EAPP: variants seen among roughly 807,000 people sequenced by gnomAD.
EAPP encodes E2F-associated phosphoprotein.
Under a neutral mutation model 34.3 loss-of-function variants are expected in EAPP, and 38 were observed. That is an observed-to-expected ratio of 1.11 (90% CI 0.85 to 1.45). The LOEUF is 1.45. Ranked by LOEUF, EAPP falls within the 40% of genes most tolerant of loss-of-function variation. The probability of loss-of-function intolerance (pLI) is 0.00; values close to 1 mark genes in which losing one functional copy is unlikely to be tolerated. For missense variants in EAPP, 338 were observed against 343.7 expected (o/e 0.98, Z 0.13); for synonymous variants, 113 against 117.6 (o/e 0.96, Z 0.25).
At chr14:34,536,379 T>C (rs1236915636) in intron 1 of EAPP, 104 bp from the exon 2 acceptor site, 2 of 822,220 alleles carry the variant, frequency 2.4e-6, no homozygotes, top group East Asian at 5.6e-5. Context: ...TATTACATGG[T>C]TACATTTGAT....
At position 34,539,574 on chromosome 14, in the gene EAPP, C is replaced by A. The variant is rs370344686; in HGVS notation, c.55G>T (p.Glu19Ter). 2.1e-5 allele frequency: 34 copies of A among 1,602,028 alleles called. No homozygotes were observed. Among genetic ancestry groups the A allele is most frequent in the Admixed American group, 5.1e-5 (3 of 59,176 alleles). The change falls in exon 1 of 6, where the codon GAG becomes TAG. Residue 19 changes from glutamate to a stop codon, truncating the protein, a stop_gained. Transcript: ENST00000250454. LOFTEE classifies it high-confidence loss of function. ...DPYAVEEPSD[E>*]EPALSSSEDE... is the part of the protein sequence containing the mutation. ...GCCCACCTGCTCAAAGCCGGCTCCT[C>A]GTCGCTAGGCTCTTCAACCGCGTAG...
intron 1 of EAPP, among the ~76,000 whole-genome samples, chr14:34,538,621 T>C (rs1880554838): frequency 6.6e-6 from 1 of 152,092 alleles, no homozygotes; most frequent in South Asian, 2.1e-4. Context: ...CTCACTATGT[T>C]GCCCAGGCTG....
At chr14:34,517,342 G>A (rs1001480419) in intron 5 of EAPP, among the ~76,000 whole-genome samples, 3 of 147,676 alleles carry the variant, frequency 2.0e-5, no homozygotes, top group Non-Finnish European at 4.5e-5. Context: ...TCTGCCCCCC[G>A]GGTTCAAGTG....
At chr14:34,523,823 G>A (rs1029127995) in intron 5 of EAPP, among the ~76,000 whole-genome samples, 2 of 152,102 alleles carry the variant, frequency 1.3e-5, no homozygotes, top group Non-Finnish European at 2.9e-5. Flanking sequence ...ACAGGCATGA[G>A]TCACTGTGCC....
chr14:34,517,626 T>C lies in EAPP; in HGVS notation c.582-1040A>G, dbSNP rs1274528277. 6.6e-5 allele frequency among the ~76,000 whole-genome samples: 10 copies of C among 152,100 alleles called. 1 individual carries two copies. Among genetic ancestry groups the C allele is most frequent in the Admixed American group, 5.9e-4 (9 of 15,238 alleles). On this transcript the variant is annotated intron_variant, in intron 5 of 5. Coordinates refer to ENST00000250454, the MANE Select transcript of EAPP (RefSeq NM_018453.4). ...AATTTATTTGGGCCTTCTCTCTTTT[T>C]TTCTAAGAGGTTTGTCAATTGTATC...
intron 1 of EAPP, among the ~76,000 whole-genome samples, chr14:34,537,574 G>A (rs958344667): frequency 6.6e-6 from 1 of 152,184 alleles, no homozygotes; most frequent in Admixed American, 6.5e-5. Flanking sequence ...GATTGTGTTT[G>A]CAGCGAACAA....
intron 2 of EAPP, among the ~76,000 whole-genome samples, chr14:34,534,270 T>C (rs1273938703): frequency 1.3e-5 from 2 of 151,984 alleles, no homozygotes; most frequent in East Asian, 3.9e-4. Context: ...GTAGCTGGAA[T>C]TATAGGCAAC....
chr14:34,534,840 ATT>A (rs373663033), intron 2 of EAPP, among the ~76,000 whole-genome samples: 6,695 of 140,940 alleles, frequency 0.048, 214 homozygotes, highest in African/African-American at 0.093. Flanking sequence ...GTCTCCACAA[ATT>A]TTTTTTTTTT....
intron 4 of EAPP, among the ~76,000 whole-genome samples, chr14:34,525,154 T>C (rs770712212): frequency 4.6e-5 from 7 of 151,970 alleles, no homozygotes; most frequent in Non-Finnish European, 1.0e-4. Context: ...ACTGAATAAA[T>C]AAATAAATGG....
chr14:34,537,983 G>T (rs1487800020), intron 1 of EAPP, among the ~76,000 whole-genome samples: 1 of 152,150 alleles, frequency 6.6e-6, no homozygotes, highest in African/African-American at 2.4e-5. Flanking sequence ...GCCTACAACA[G>T]GCAATACTGT....
At chr14:34,525,496 A>G (rs1880064961) in intron 4 of EAPP, among the ~76,000 whole-genome samples, 1 of 152,178 alleles carries the variant, frequency 6.6e-6, no homozygotes, top group Non-Finnish European at 1.5e-5. Flanking sequence ...AGAAAAAACA[A>G]CAGACAAATT....
intron 4 of EAPP, among the ~76,000 whole-genome samples, chr14:34,528,027 T>C (rs897560087): frequency 6.7e-6 from 1 of 149,222 alleles, no homozygotes; most frequent in Admixed American, 6.9e-5. Flanking sequence ...GCAGTGTACC[T>C]AGAGTAGCCT....
Position 34,536,074 on chromosome 14 carries a change from A to T in EAPP, c.256+20T>A, listed in dbSNP as rs202103758. 1.3e-3 allele frequency: 2,006 copies of T among 1,593,714 alleles called. 5 individuals are homozygous for T. Among genetic ancestry groups the T allele is most frequent in the Non-Finnish European group, 1.6e-3 (1,838 of 1,170,986 alleles). On this transcript the variant is annotated intron_variant, in intron 2 of 5. Transcript: ENST00000250454. ...TACAGAGCTTACAAAAATATATATA[A>T]AATTGAACCAAAAGTTTACCAGTTC... is the stretch of plus-strand genomic sequence containing the variant.
At chr14:34,521,775 T>G (rs543971706) in intron 5 of EAPP, among the ~76,000 whole-genome samples, 1 of 151,512 alleles carries the variant, frequency 6.6e-6, no homozygotes, top group Non-Finnish European at 1.5e-5. Flanking sequence ...GCTGGGACTA[T>G]AGGCACATGC....
chr14:34,529,170 A>G (rs1880195510), intron 4 of EAPP, among the ~76,000 whole-genome samples, 188 bp downstream of exon 4: 1 of 152,162 alleles, frequency 6.6e-6, no homozygotes, highest in Non-Finnish European at 1.5e-5. Context: ...AATTTTAAAA[A>G]AAAGTCTCAC....
At chr14:34,529,167 A>T (rs28451576) in intron 4 of EAPP, among the ~76,000 whole-genome samples, 191 bp downstream of exon 4, 51,731 of 151,662 alleles carry the variant, frequency 0.34, 9,084 homozygotes, top group Non-Finnish European at 0.39. Context: ...AAAAATTTTA[A>T]AAAAAAGTCT....
chr14:34,519,089 T>G (rs1313161991), intron 5 of EAPP, among the ~76,000 whole-genome samples: 1 of 152,156 alleles, frequency 6.6e-6, no homozygotes, highest in African/African-American at 2.4e-5. Context: ...TGACTAGATC[T>G]TGGGGGCAGA....
intron 3 of EAPP, among the ~76,000 whole-genome samples, 171 bp downstream of exon 3, chr14:34,533,273 G>A (rs1880355150): frequency 6.6e-6 from 1 of 151,484 alleles, no homozygotes; most frequent in Non-Finnish European, 1.5e-5. Context: ...AACCTCAGGT[G>A]ATCTGCCTGC....
Position 34,536,258 on chromosome 14 carries a change from T to C in EAPP, c.92A>G (p.Asp31Gly), listed in dbSNP as rs779767989. Residue 31 changes from aspartate (D) to glycine (G), a missense_variant, in exon 2 of 6, where the codon GAT becomes GGT. Transcript: ENST00000250454. Reference protein sequence around the residue: ...PALSSSEDEVDVLLHGTPDQK... With the variant: ...PALSSSEDEVGVLLHGTPDQK... ...GTCAGGAGTTCCATGTAAAAGCACA[T>C]CCACTTCATCCTCAGAGCTAGCATA... 1.2e-5 allele frequency: 19 copies of C among 1,607,806 alleles called. No individual in the cohort carries two copies. In the South Asian group the frequency reaches 2.0e-4, roughly 17 times the overall value.
Sources: gnomAD v4.1 joint callset for allele counts (sites outside exome capture counted in the v4.1 genomes callset) on GRCh38, gnomAD v4.1.1 for gene constraint, MANE v1.5 for transcripts, NCBI Gene and HGNC (gene_info 2026-07-23, HGNC 2026-07-21) for gene names.